Variants in BCAS1 observed in about 807,000 individuals in gnomAD.
BCAS1 encodes the protein brain enriched myelin associated protein 1.
BCAS1 carries 46 observed loss-of-function variants against 65.4 expected under a neutral mutation model. That is an observed-to-expected ratio of 0.70 (90% CI 0.55 to 0.90). The LOEUF (loss-of-function observed/expected upper bound fraction) is 0.90. Among genes scored for constraint, BCAS1 ranks in the 40% least tolerant of loss-of-function variants. BCAS1 has a pLI of 0.00. For synonymous variants in BCAS1, 298 were observed against 293.5 expected (o/e 1.02, Z -0.16); for missense variants, 793 against 771.2 (o/e 1.03, Z -0.33).
At chr20:53,969,264 C>T (rs572026814) in intron 9 of BCAS1, among the ~76,000 whole-genome samples, 2 of 151,930 alleles carry the variant, frequency 1.3e-5, no homozygotes, top group Non-Finnish European at 2.9e-5. Flanking sequence ...ACCATGCACT[C>T]AATTAATGCT....
chr20:53,982,028 T>C (rs747694801), intron 8 of BCAS1, among the ~76,000 whole-genome samples: 1 of 152,340 alleles, frequency 6.6e-6, no homozygotes, highest in Middle Eastern at 3.4e-3. Context: ...TTAGGTGCTT[T>C]ATATGTACAA....
At chr20:53,987,108 A>G (rs1464787788) in intron 7 of BCAS1, among the ~76,000 whole-genome samples, 1 of 152,284 alleles carries the variant, frequency 6.6e-6, no homozygotes, top group East Asian at 1.9e-4. Flanking sequence ...TTGCTTCTCC[A>G]AAGGATGTTT....
chr20:54,059,075 C>G (rs1235580158), intron 1 of BCAS1, among the ~76,000 whole-genome samples: 1 of 152,158 alleles, frequency 6.6e-6, no homozygotes, highest in Non-Finnish European at 1.5e-5. Context: ...GCGAGACTCA[C>G]TCAGTATCAC....
Position 54,058,304 on chromosome 20 carries a change from T to C in BCAS1, c.73-150A>G, listed in dbSNP as rs536965627. 6.2e-4 allele frequency: 482 copies of C among 771,796 alleles called. 4 individuals are homozygous for C. The South Asian group carries it at 7.7e-3, about 12-fold the overall frequency. The allele number at this position is 771,796 out of a possible 1,614,324, so 47.8% of individuals were successfully genotyped here. A position where few individuals can be genotyped will look rare whatever the true frequency, so the allele number is the denominator to read the frequency against. On this transcript the variant is annotated intron_variant, in intron 2 of 12. Coordinates refer to ENST00000688948, the MANE Select transcript of BCAS1 (RefSeq NM_001366298.2). ...CTAGAAACTCCCCAGTTTTCTATCA[T>C]GCCTTGGAGAACCAAAATAACTCAC...
intron 7 of BCAS1, among the ~76,000 whole-genome samples, chr20:53,987,242 G>T (rs974207596): frequency 6.6e-6 from 1 of 152,200 alleles, no homozygotes; most frequent in Middle Eastern, 3.2e-3. Context: ...AAGAACTGAC[G>T]TCTGGAAATG....
At chr20:54,001,826 C>T (rs577008506) in intron 4 of BCAS1, among the ~76,000 whole-genome samples, 9 of 152,276 alleles carry the variant, frequency 5.9e-5, no homozygotes, top group African/African-American at 2.2e-4. Context: ...GATAAATTGG[C>T]TCTGTCTGGG....
chr20:53,955,999 AATACAAAAACATATTT>A (rs1173418763), intron 11 of BCAS1, among the ~76,000 whole-genome samples: 4 of 152,258 alleles, frequency 2.6e-5, no homozygotes, highest in Non-Finnish European at 4.4e-5. Context: ...TGGAAATAAA[AATACAAAAACATATTT>A]ACAGTCATTA....
At chr20:53,970,000 A>G (rs897709009) in intron 9 of BCAS1, among the ~76,000 whole-genome samples, 1 of 152,216 alleles carries the variant, frequency 6.6e-6, no homozygotes, top group Non-Finnish European at 1.5e-5. Context: ...AACTAAGGGT[A>G]GAAGAGTGGA....
intron 12 of BCAS1, among the ~76,000 whole-genome samples, chr20:53,946,240 A>C (rs1475838513): frequency 6.6e-6 from 1 of 151,800 alleles, no homozygotes; most frequent in Non-Finnish European, 1.5e-5. Context: ...CCCCCCTCAG[A>C]TCTTTCTTGT....
At chr20:53,961,937 A>C (rs1166944875) in intron 10 of BCAS1, among the ~76,000 whole-genome samples, 2 of 152,226 alleles carry the variant, frequency 1.3e-5, no homozygotes, top group Admixed American at 6.5e-5. Context: ...TAAATGAGAT[A>C]CTGCGTGCAA....
At chr20:54,035,950 G>GA (rs1448684921) in intron 3 of BCAS1, among the ~76,000 whole-genome samples, 1 of 151,122 alleles carries the variant, frequency 6.6e-6, no homozygotes, top group Non-Finnish European at 1.5e-5. Flanking sequence ...AAGTATTGCC[G>GA]AAAAAGAAAA....
intron 10 of BCAS1, among the ~76,000 whole-genome samples, chr20:53,957,812 T>A (rs1021332354): frequency 3.3e-5 from 5 of 151,950 alleles, no homozygotes. Flanking sequence ...ACATATTAAA[T>A]GAAGACTGAA....
intron 3 of BCAS1, among the ~76,000 whole-genome samples, chr20:54,047,308 C>T (rs1600990081): frequency 1.3e-5 from 2 of 152,230 alleles, no homozygotes; most frequent in South Asian, 4.1e-4. Context: ...CCTTCTACTA[C>T]ATACTGTTGG....
intron 7 of BCAS1, among the ~76,000 whole-genome samples, chr20:53,990,113 A>G (rs930187041): frequency 5.9e-5 from 9 of 152,198 alleles, no homozygotes; most frequent in Non-Finnish European, 1.3e-4. Context: ...TGTAAACACT[A>G]CACCAAGAAC....
chr20:53,955,089 G>A (rs1270822690), intron 11 of BCAS1, among the ~76,000 whole-genome samples: 2 of 152,182 alleles, frequency 1.3e-5, no homozygotes, highest in Non-Finnish European at 1.5e-5. Context: ...CAGGTAAAAA[G>A]TTCTACAACA....
At chr20:53,949,697 C>T (rs536216210) in intron 12 of BCAS1, among the ~76,000 whole-genome samples, 2 of 152,160 alleles carry the variant, frequency 1.3e-5, no homozygotes, top group Non-Finnish European at 2.9e-5. Context: ...GACTTGGGGT[C>T]TAGGGGGCCT....
chr20:53,961,106 T>G (rs2089865752), intron 10 of BCAS1, among the ~76,000 whole-genome samples: 1 of 152,244 alleles, frequency 6.6e-6, no homozygotes, highest in South Asian at 2.1e-4. Flanking sequence ...TTTTATTTCT[T>G]TCATCTTGTC....
intron 4 of BCAS1, among the ~76,000 whole-genome samples, chr20:54,024,429 T>C (rs2091626864): frequency 6.6e-6 from 1 of 152,184 alleles, no homozygotes; most frequent in Non-Finnish European, 1.5e-5. Context: ...GTTGAGATAC[T>C]CAGTGAGCAG....
chr20:54,002,677 GT>G (rs1027419529), intron 4 of BCAS1, among the ~76,000 whole-genome samples: 51 of 148,704 alleles, frequency 3.4e-4, no homozygotes, highest in African/African-American at 1.2e-3. Flanking sequence ...TGTTCTAGGG[GT>G]GTAGCAGATC....
Sources: gnomAD v4.1 joint callset for allele counts (sites outside exome capture counted in the v4.1 genomes callset) on GRCh38, gnomAD v4.1.1 for gene constraint, MANE v1.5 for transcripts, NCBI Gene and HGNC (gene_info 2026-07-23, HGNC 2026-07-21) for gene names.